The following RYR2 variants were observed in gnomAD, a reference collection of about 807,000 sequenced individuals.
The protein encoded by RYR2 is ryanodine receptor 2.
In RYR2, 227 loss-of-function variants were observed where a neutral mutation model predicts 601.1. The ratio of observed to expected loss-of-function variants is 0.38; its 90% CI spans 0.34 to 0.42. RYR2 has a LOEUF of 0.42. Ranked by LOEUF, RYR2 falls within the 10% of genes least tolerant of loss-of-function variation. RYR2 has a pLI of 1.00. For synonymous variants in RYR2, 2,223 were observed against 2,175.1 expected, an observed-to-expected ratio of 1.02 and a Z score of -0.61; for missense variants, 4,646 against 6,156.5, an observed-to-expected ratio of 0.75 and a Z score of 8.21.
At chr1:237,692,485 G>A (rs967240205) in intron 63 of RYR2, among the ~76,000 whole-genome samples, 3 of 152,046 alleles carry the variant, frequency 2.0e-5, no homozygotes, top group Admixed American at 6.5e-5. Context: ...TAGAAAGCAC[G>A]TTTCTTAACC....
chr1:237,201,858 A>G (rs1298883306), intron 1 of RYR2, among the ~76,000 whole-genome samples: 1 of 152,086 alleles, frequency 6.6e-6, no homozygotes, highest in Non-Finnish European at 1.5e-5. Context: ...TATATTCAGG[A>G]TTTGTTTGAT....
chr1:237,566,838 T>G, intron 28 of RYR2, 63 bp downstream of exon 28: 1 of 1,526,708 alleles, frequency 6.6e-7, no homozygotes, highest in Non-Finnish European at 9.1e-7. Flanking sequence ...CCTCTGCTGT[T>G]CCTCTTGGTA....
chr1:237,491,547 C>T (rs537138369), intron 17 of RYR2, among the ~76,000 whole-genome samples: 1 of 152,320 alleles, frequency 6.6e-6, no homozygotes, highest in South Asian at 2.1e-4. Flanking sequence ...CTTCGGGTAG[C>T]GTTACCGGCT....
intron 63 of RYR2, among the ~76,000 whole-genome samples, chr1:237,690,997 T>C (rs1686894843): frequency 6.6e-6 from 1 of 152,246 alleles, no homozygotes. Flanking sequence ...TATATGGTCA[T>C]ATTAATCTAT....
At chr1:237,649,744 TA>T in intron 49 of RYR2, 132 bp from the exon 50 acceptor site, 1 of 703,106 alleles carries the variant, frequency 1.4e-6, no homozygotes, top group Non-Finnish European at 2.3e-6. Flanking sequence ...AAGATGTAAC[TA>T]AAGAATACAT....
intron 1 of RYR2, among the ~76,000 whole-genome samples, chr1:237,259,470 C>T (rs1051461748): frequency 2.7e-5 from 4 of 150,916 alleles, no homozygotes; most frequent in South Asian, 2.1e-4. Flanking sequence ...CACACCACTG[C>T]ACTCCAGCCT....
At chr1:237,267,561 G>A (rs773724977) in intron 1 of RYR2, 109 of 260,712 alleles carry the variant, frequency 4.2e-4, no homozygotes, top group Admixed American at 2.0e-4. Context: ...AAAGAAACTC[G>A]TATATTTCTT....
At chr1:237,695,104 T>C (rs1055032462) in intron 63 of RYR2, among the ~76,000 whole-genome samples, 2 of 152,176 alleles carry the variant, frequency 1.3e-5, no homozygotes, top group Admixed American at 6.5e-5. Context: ...AAATTTAACA[T>C]TGAGAATTCC....
chr1:237,736,461 CAAAAAA>C (rs56178537), intron 79 of RYR2, among the ~76,000 whole-genome samples: 2 of 129,634 alleles, frequency 1.5e-5, no homozygotes, highest in Non-Finnish European at 3.2e-5. Context: ...GAGTCCGTTT[CAAAAAA>C]AAAAAAAAAA....
intron 12 of RYR2, among the ~76,000 whole-genome samples, chr1:237,436,255 G>A (rs967129992): frequency 1.4e-5 from 2 of 138,266 alleles, no homozygotes; most frequent in African/African-American, 5.2e-5. Flanking sequence ...TTGGTCCCAC[G>A]CACACTCTAG....
chr1:237,720,017 G>A (rs977444784), intron 73 of RYR2, among the ~76,000 whole-genome samples: 3 of 152,218 alleles, frequency 2.0e-5, no homozygotes, highest in Non-Finnish European at 4.4e-5. Flanking sequence ...GATGGAAATC[G>A]ATAGAACACC....
At chr1:237,715,625 A>G (rs936633329) in intron 71 of RYR2, among the ~76,000 whole-genome samples, 1 of 152,200 alleles carries the variant, frequency 6.6e-6, no homozygotes, top group African/African-American at 2.4e-5. Context: ...TAAAACCAAA[A>G]GAACTTTACA....
chr1:237,356,015 T>C, intron 4 of RYR2, 30 bp downstream of exon 4: 1 of 1,599,414 alleles, frequency 6.3e-7, no homozygotes, highest in Admixed American at 1.7e-5. Context: ...TGCAAAGAAA[T>C]TGTGATCTAA....
At chr1:237,556,346 C>G (rs952452266) in intron 27 of RYR2, among the ~76,000 whole-genome samples, 1 of 151,076 alleles carries the variant, frequency 6.6e-6, no homozygotes, top group Non-Finnish European at 1.5e-5. Flanking sequence ...GTCCCCCAGG[C>G]TGGAGTGCAG....
At chr1:237,427,368 C>T (rs1255297746) in intron 12 of RYR2, among the ~76,000 whole-genome samples, 1 of 152,078 alleles carries the variant, frequency 6.6e-6, no homozygotes, top group Non-Finnish European at 1.5e-5. Flanking sequence ...TGGACTGTAT[C>T]ACAATTTAAA....
intron 48 of RYR2, among the ~76,000 whole-genome samples, chr1:237,646,401 G>C (rs1682163393): frequency 1.3e-5 from 2 of 151,958 alleles, no homozygotes; most frequent in East Asian, 2.0e-4. Flanking sequence ...GAAACCTGTA[G>C]GTTTTTATGT....
At chr1:237,228,750 A>C (rs1342148304) in intron 1 of RYR2, among the ~76,000 whole-genome samples, 1 of 152,176 alleles carries the variant, frequency 6.6e-6, no homozygotes, top group Non-Finnish European at 1.5e-5. Flanking sequence ...TGGAATAATA[A>C]AAACCTTCCT....
At chr1:237,687,542 A>C in intron 63 of RYR2, 38 bp downstream of exon 63, 5 of 1,547,174 alleles carry the variant, frequency 3.2e-6, no homozygotes, top group Non-Finnish European at 4.4e-6. Context: ...CATGGCCATC[A>C]CTTGGTTTTC....
At chr1:237,112,769 G>A (rs115316130) in intron 1 of RYR2, among the ~76,000 whole-genome samples, 1 of 152,174 alleles carries the variant, frequency 6.6e-6, no homozygotes, top group Non-Finnish European at 1.5e-5. Context: ...TCTTAGGAAT[G>A]GGGATCATGA....
Sources: gnomAD v4.1 joint callset for allele counts (sites outside exome capture counted in the v4.1 genomes callset) on GRCh38, gnomAD v4.1.1 for gene constraint, MANE v1.5 for transcripts, NCBI Gene and HGNC (gene_info 2026-07-23, HGNC 2026-07-21) for gene names.